CENPN: variants seen among roughly 807,000 people sequenced by gnomAD.
The protein encoded by CENPN is interphase centromere complex protein 32.
CENPN carries 36 observed loss-of-function variants against 48.6 expected under a neutral mutation model. That is an observed-to-expected ratio of 0.74 (90% CI 0.57 to 0.98). The LOEUF is 0.98. Among genes scored for constraint, CENPN ranks in the 50% least tolerant of loss-of-function variants. The pLI is 0.00. For synonymous variants in CENPN, 166 were observed against 135.2 expected (o/e 1.23, Z -1.58); for missense variants, 439 against 399.2 (o/e 1.10, Z -0.85).
chr16:81,012,219 G>C, intron 2 of CENPN, 109 bp downstream of exon 2: 1 of 935,816 alleles, frequency 1.1e-6, no homozygotes, highest in Middle Eastern at 3.4e-4. Context: ...TAAACTACTA[G>C]TGAAGTGATG....
intron 2 of CENPN, among the ~76,000 whole-genome samples, 198 bp downstream of exon 2, chr16:81,012,308 A>G (rs530119636): frequency 3.9e-5 from 6 of 152,388 alleles, no homozygotes; most frequent in Non-Finnish European, 5.9e-5. Flanking sequence ...TTAAAAATCA[A>G]TAAGATGGAA....
chr16:81,028,054 A>C, intron 9 of CENPN, 117 bp from the exon 10 acceptor site: 3 of 927,172 alleles, frequency 3.2e-6, no homozygotes, highest in Non-Finnish European at 5.0e-6. Flanking sequence ...ACCCCTGTTA[A>C]TTCCTGTATT....
At chr16:81,010,901 A>G (rs554385629) in intron 1 of CENPN, among the ~76,000 whole-genome samples, 1 of 152,266 alleles carries the variant, frequency 6.6e-6, no homozygotes, top group South Asian at 2.1e-4. Context: ...ACTAACCTCC[A>G]ACCTCTGCCC....
chr16:81,028,296 G>A lies in CENPN; in HGVS notation c.936G>A (p.Ala312=), dbSNP rs777202226. Residue 312 remains alanine, a splice_region_variant and synonymous_variant, in exon 10 of 11, where the codon GCG becomes GCA. Coordinates refer to ENST00000305850, the MANE Select transcript of CENPN (RefSeq NM_001100624.3). The part of the protein sequence containing the change: ...LLEALKSLAP[A]GIADAPLSPL... ...AAGCATTGAAATCCTTAGCACCAGCGGGTGAGTGGTCAGCTTACTCTATAA... is the reference window on the plus strand; with the variant it reads ...AAGCATTGAAATCCTTAGCACCAGCAGGTGAGTGGTCAGCTTACTCTATAA... 10 of 1,613,950 alleles carry A rather than the reference G, an allele frequency of 6.2e-6. No individual in the cohort carries two copies. The highest frequency in any genetic ancestry group is 4.5e-5 in the East Asian group (2 of 44,876).
chr16:81,028,395 C>A, intron 10 of CENPN, 98 bp downstream of exon 10: 1 of 1,502,722 alleles, frequency 6.7e-7, no homozygotes, highest in Non-Finnish European at 9.2e-7. Context: ...ACCCATCACC[C>A]TAGTCTGCTA....
intron 3 of CENPN, 23 bp from the exon 4 acceptor site, chr16:81,017,303 T>C: frequency 6.5e-7 from 1 of 1,540,482 alleles, no homozygotes; most frequent in Non-Finnish European, 9.0e-7. Context: ...ATGCTAGTAA[T>C]AAAGCTTTCT....
intron 3 of CENPN, among the ~76,000 whole-genome samples, chr16:81,015,302 C>G (rs1597310013): frequency 6.6e-6 from 1 of 152,292 alleles, no homozygotes; most frequent in Non-Finnish European, 1.5e-5. Flanking sequence ...GGCCAGACCT[C>G]TTGGGTTCAT....
chr16:81,012,012 C>A lies in CENPN; in HGVS notation c.73C>A (p.Leu25Met). Residue 25 changes from leucine to methionine, a missense_variant, in exon 2 of 11, where the codon CTG becomes ATG. Leu to Met is a conservative substitution (Grantham distance 15). Transcript: ENST00000305850. ...KIPMNELTTI[L>M]KAWDFLSENQ... ...CCCCATGAATGAACTGACAACAATC[C>A]TGAAGGCCTGGGATTTTTTGTCTGA... 6.2e-7 allele frequency: 1 copy of A among 1,614,030 alleles called. No individual in the cohort carries two copies. Among genetic ancestry groups the A allele is most frequent in the African/African-American group, 1.3e-5 (1 of 75,004 alleles).
chr16:81,027,913 C>G (rs1399841977), intron 9 of CENPN, among the ~76,000 whole-genome samples: 1 of 152,118 alleles, frequency 6.6e-6, no homozygotes, highest in Non-Finnish European at 1.5e-5. Context: ...CCATGTTGGC[C>G]AGGCTGGTCT....
chr16:81,010,089 C>T (rs947785523), intron 1 of CENPN, among the ~76,000 whole-genome samples: 1 of 152,094 alleles, frequency 6.6e-6, no homozygotes, highest in East Asian at 1.9e-4. Flanking sequence ...GTCCTAGCTA[C>T]CTGGGAGGCT....
Position 81,020,125 on chromosome 16 carries a change from A to G in CENPN, c.380A>G (p.Glu127Gly). 26 of 1,610,306 alleles carry G rather than the reference A, an allele frequency of 1.6e-5. No individual in the cohort carries two copies. The highest frequency in any genetic ancestry group is 2.2e-5 in the Non-Finnish European group (26 of 1,178,992). Residue 127 changes from glutamate (E) to glycine (G), a missense_variant, in exon 6 of 11, where the codon GAG becomes GGG. Transcript: ENST00000305850. ...GTGACAGTCAGCTTCAGAGAAACTG[A>G]GGAGAATGCAGTCTGGATTCGAATT... is the stretch of plus-strand genomic sequence containing the variant. ...KNVTVSFRET[E>G]ENAVWIRIAW... is the part of the protein sequence containing the mutation.
rs1389767546 is a variant in CENPN at position 81,020,384 on chromosome 16, G to C, written c.531+108G>C. The C allele has an allele frequency of 6.3e-6, 7 of 1,109,372 alleles. No homozygotes were observed. The Admixed American group carries it at 2.1e-4, about 33-fold the overall frequency. The allele number at this position is 1,109,372 out of a possible 1,614,324, so 68.7% of individuals were successfully genotyped here. A position where few individuals can be genotyped will look rare whatever the true frequency, so the allele number is the denominator to read the frequency against. The stretch of plus-strand genomic sequence containing the variant: ...TTTGATAGAGAATACTAGGCCAGGT[G>C]CAGTGGCATGTACCTGTGGTCCCAG... On this transcript the variant is annotated intron_variant, in intron 6 of 10. Coordinates refer to ENST00000305850, the MANE Select transcript of CENPN (RefSeq NM_001100624.3).
intron 2 of CENPN, among the ~76,000 whole-genome samples, chr16:81,013,384 G>A (rs1190708797): frequency 3.9e-5 from 6 of 152,218 alleles, no homozygotes; most frequent in Admixed American, 1.3e-4. Flanking sequence ...AGGCTTGGGA[G>A]GTAGAGACAT....
chr16:81,013,086 C>A (rs1051183556), intron 2 of CENPN, among the ~76,000 whole-genome samples: 6 of 152,104 alleles, frequency 3.9e-5, no homozygotes, highest in African/African-American at 1.4e-4. Context: ...CTAATGTTCA[C>A]AGCAACATTA....
intron 1 of CENPN, among the ~76,000 whole-genome samples, chr16:81,008,840 G>A (rs540456309): frequency 2.0e-5 from 3 of 152,316 alleles, no homozygotes; most frequent in South Asian, 2.1e-4. Context: ...TAAAAACATC[G>A]TCCTGCCCTG....
chr16:81,026,416 A>G (rs1324246867), intron 8 of CENPN, 110 bp from the exon 9 acceptor site: 2 of 474,408 alleles, frequency 4.2e-6, no homozygotes, highest in Admixed American at 7.8e-5. Flanking sequence ...AGCAGTAAAT[A>G]TTATTTTAAA....
chr16:81,016,960 G>A, intron 3 of CENPN: 1 of 244,924 alleles, frequency 4.1e-6, no homozygotes, highest in Non-Finnish European at 7.8e-6. Context: ...AGAGGCTCCA[G>A]GCAGAGGAAC....
At chr16:81,011,490 A>G (rs1252903211) in intron 1 of CENPN, among the ~76,000 whole-genome samples, 1 of 152,220 alleles carries the variant, frequency 6.6e-6, no homozygotes, top group Non-Finnish European at 1.5e-5. Context: ...AAGGGGTTAC[A>G]TGAATCAGTA....
chr16:81,007,971 G>T (rs1044896451), intron 1 of CENPN, among the ~76,000 whole-genome samples: 2 of 152,052 alleles, frequency 1.3e-5, no homozygotes, highest in Admixed American at 1.3e-4. Flanking sequence ...ACCGGACGTG[G>T]TATCGGGTGC....
Sources: allele counts gnomAD v4.1 joint callset (sites outside exome capture counted in the v4.1 genomes callset), GRCh38; gene constraint gnomAD v4.1.1; transcripts MANE v1.5; gene names NCBI Gene and HGNC (gene_info 2026-07-23, HGNC 2026-07-21).